The following GRIP1 variants were observed in gnomAD, a reference collection of about 807,000 sequenced individuals.
GRIP1 encodes glutamate receptor-interacting protein 1.
In GRIP1, 45 loss-of-function variants were observed where a neutral mutation model predicts 129.9. The observed-to-expected ratio is 0.35, with a 90% confidence interval of 0.27 to 0.44. The LOEUF is 0.44. Among genes scored for constraint, GRIP1 ranks in the 20% least tolerant of loss-of-function variants. GRIP1 has a pLI of 1.00. For synonymous variants in GRIP1, 530 were observed against 520.8 expected (o/e 1.02, Z -0.24); for missense variants, 1,196 against 1,396.8 (o/e 0.86, Z 2.29).
intron 5 of GRIP1, among the ~76,000 whole-genome samples, chr12:66,522,606 G>T (rs1040232957): frequency 6.6e-6 from 1 of 152,300 alleles, no homozygotes; most frequent in Middle Eastern, 3.4e-3. Context: ...AGAAAAACTG[G>T]AAACTCTAAA....
At chr12:66,654,112 C>T (rs1393662945) in intron 1 of GRIP1, among the ~76,000 whole-genome samples, 1 of 151,904 alleles carries the variant, frequency 6.6e-6, no homozygotes, top group Non-Finnish European at 1.5e-5. Flanking sequence ...CTATCAGGCA[C>T]CAAACATAGG....
Position 66,679,069 on chromosome 12 carries a change from T to C in GRIP1, c.-165A>G. On this transcript the variant is annotated 5_prime_UTR_variant, in exon 1 of 25. It removes an upstream start codon present in the reference 5' UTR. Coordinates refer to ENST00000359742, the MANE Select transcript of GRIP1 (RefSeq NM_001366722.1). ...TTGGCTGATGCAGAGGTCCGCTACA[T>C]GTCATCTGGCAAATCTGTGTCATTC... 1 of 1,516,944 alleles carries C rather than the reference T, an allele frequency of 6.6e-7. No individual in the cohort carries two copies. The highest frequency in any genetic ancestry group is 8.8e-7 in the Non-Finnish European group (1 of 1,132,466). The allele number at this position is 1,516,944 out of a possible 1,614,324, so 94.0% of individuals were successfully genotyped here.
rs149111187 is a variant in GRIP1 at position 66,714,368 on chromosome 12, G to A, written c.-419-84032C>T. ...AGCACAAAAGACTATAAGAGTTAAT[G>A]GAAATGCAGAAAAGATCAGTGAAAA... On this transcript the variant is annotated intron_variant, in intron 1 of 4. Coordinates refer to the GRIP1 transcript ENST00000538373. Among the ~76,000 whole-genome samples, 22 of 152,114 alleles carry A rather than the reference G, an allele frequency of 1.4e-4. No homozygotes were observed. The East Asian group carries it at 4.3e-3, about 30-fold the overall frequency.
In GRIP1 at chr12:66,377,288, G is replaced by A; in HGVS notation, c.2622-3C>T. ...CACTATCGGCAGCCCCTGCAAAACT[G>A]TTGTCAAGAAACACAGGCTGGGTTA... On this transcript the variant is annotated splice_polypyrimidine_tract_variant and splice_region_variant and intron_variant, in intron 20 of 24. Transcript: ENST00000359742. 6.3e-7 allele frequency: 1 copy of A among 1,584,804 alleles called. No individual in the cohort carries two copies. The highest frequency in any genetic ancestry group is 8.7e-7 in the Non-Finnish European group (1 of 1,153,834).
chr12:66,979,452 C>T (rs1460544134), intron 1 of GRIP1, among the ~76,000 whole-genome samples: 3 of 151,910 alleles, frequency 2.0e-5, no homozygotes, highest in Non-Finnish European at 2.9e-5. Flanking sequence ...TAGAGCACTA[C>T]AGCTGCTGTC....
intron 1 of GRIP1, among the ~76,000 whole-genome samples, chr12:66,627,846 G>A (rs981015151): frequency 1.3e-5 from 2 of 152,144 alleles, no homozygotes; most frequent in Non-Finnish European, 2.9e-5. Context: ...CTGGGATTGT[G>A]TAAGGGCTCC....
intron 1 of GRIP1, among the ~76,000 whole-genome samples, chr12:66,944,664 G>A (rs146193375): frequency 2.6e-5 from 4 of 152,232 alleles, no homozygotes; most frequent in Non-Finnish European, 4.4e-5. Context: ...CATAAGGTCC[G>A]AAAGGGAAAG....
intron 1 of GRIP1, among the ~76,000 whole-genome samples, chr12:66,833,492 T>C (rs1483709831): frequency 6.6e-6 from 1 of 152,128 alleles, no homozygotes; most frequent in East Asian, 1.9e-4. Context: ...ACTCATGGGG[T>C]CTGCCTTTCT....
chr12:66,605,210 A>T (rs1484756450), intron 1 of GRIP1, among the ~76,000 whole-genome samples: 1 of 152,182 alleles, frequency 6.6e-6, no homozygotes, highest in African/African-American at 2.4e-5. Context: ...ACAAATAAGA[A>T]TGATTAGTTT....
chr12:66,912,889 T>C (rs557441633), intron 1 of GRIP1, among the ~76,000 whole-genome samples: 1 of 152,230 alleles, frequency 6.6e-6, no homozygotes, highest in South Asian at 2.1e-4. Flanking sequence ...GGTGTGGCTG[T>C]TACAGGATAT....
chr12:66,774,871 A>G (rs1307062792), intron 1 of GRIP1, among the ~76,000 whole-genome samples: 1 of 152,168 alleles, frequency 6.6e-6, no homozygotes, highest in East Asian at 1.9e-4. Context: ...CAAAGTTCTG[A>G]ACAGTCAATT....
intron 1 of GRIP1, among the ~76,000 whole-genome samples, chr12:66,922,999 A>C (rs2041238152): frequency 6.6e-6 from 1 of 152,238 alleles, no homozygotes; most frequent in Non-Finnish European, 1.5e-5. Flanking sequence ...CCCATGCTGC[A>C]GGTAAAGCTG....
At chr12:66,991,134 G>T (rs1175112343) in intron 1 of GRIP1, among the ~76,000 whole-genome samples, 3 of 151,686 alleles carry the variant, frequency 2.0e-5, no homozygotes, top group African/African-American at 7.3e-5. Flanking sequence ...TTAGCCAGGC[G>T]AGGTGGTGGG....
At chr12:66,840,626 A>G (rs1194566617) in intron 1 of GRIP1, among the ~76,000 whole-genome samples, 1 of 152,210 alleles carries the variant, frequency 6.6e-6, no homozygotes, top group Non-Finnish European at 1.5e-5. Context: ...ATCAGGGCAT[A>G]ATATTAACTC....
chr12:66,682,456 T>G (rs963435747), upstream of GRIP1, among the ~76,000 whole-genome samples: 4 of 152,166 alleles, frequency 2.6e-5, no homozygotes, highest in African/African-American at 9.7e-5. Flanking sequence ...GGTACTAATT[T>G]TATCATAAGA....
At chr12:66,525,452 C>A (rs201829339) in intron 5 of GRIP1, among the ~76,000 whole-genome samples, 2 of 152,050 alleles carry the variant, frequency 1.3e-5, no homozygotes, top group Non-Finnish European at 2.9e-5. Context: ...TCAATAGATG[C>A]AGAAAAGGCC....
chr12:66,428,835 C>T (rs1045490065), intron 14 of GRIP1, among the ~76,000 whole-genome samples: 3 of 152,176 alleles, frequency 2.0e-5, no homozygotes, highest in Non-Finnish European at 2.9e-5. Flanking sequence ...GTAAAAAGGA[C>T]TTTACTGATA....
intron 1 of GRIP1, among the ~76,000 whole-genome samples, chr12:66,987,734 C>T (rs2042333453): frequency 6.6e-6 from 1 of 152,160 alleles, no homozygotes; most frequent in African/African-American, 2.4e-5. Flanking sequence ...AGTGTGTCAC[C>T]AAAGAGTAGT....
At chr12:66,825,084 T>C (rs2136997793) in intron 1 of GRIP1, among the ~76,000 whole-genome samples, 1 of 152,294 alleles carries the variant, frequency 6.6e-6, no homozygotes, top group East Asian at 1.9e-4. Context: ...ATTTGAGCAG[T>C]CTGTCTGCAT....
Sources: gnomAD v4.1 joint callset for allele counts (sites outside exome capture counted in the v4.1 genomes callset) on GRCh38, gnomAD v4.1.1 for gene constraint, MANE v1.5 for transcripts, NCBI Gene and HGNC (gene_info 2026-07-23, HGNC 2026-07-21) for gene names.